PDE3B: variants seen among roughly 807,000 people sequenced by gnomAD.
PDE3B encodes the protein phosphodiesterase 3B, also known as cGMP-inhibited 3',5'-cyclic phosphodiesterase 3B.
A neutral mutation model predicts 116.8 loss-of-function variants in PDE3B; 66 were observed. The observed-to-expected ratio is 0.56, with a 90% CI of 0.46 to 0.69. PDE3B has a LOEUF of 0.69. PDE3B is among the 30% of genes least tolerant of loss of function. The pLI is 0.00. For synonymous variants in PDE3B, 595 were observed against 533.6 expected (o/e 1.12, Z -1.59); for missense variants, 1,384 against 1,368.1 (o/e 1.01, Z -0.18).
intron 2 of PDE3B, among the ~76,000 whole-genome samples, chr11:14,779,821 T>C (rs905838138): frequency 6.6e-6 from 1 of 152,048 alleles, no homozygotes; most frequent in Non-Finnish European, 1.5e-5. Flanking sequence ...CATAACAATA[T>C]TAACCTTAAA....
chr11:14,886,503 A>G, the PDE3B span: 1 of 154,334 alleles, frequency 6.5e-6, no homozygotes, highest in Non-Finnish European at 1.4e-5. Context: ...CCTTGGAGGA[A>G]AGGCATTTAC....
chr11:14,673,124 C>G (rs2133783647), intron 1 of PDE3B, among the ~76,000 whole-genome samples: 1 of 151,648 alleles, frequency 6.6e-6, no homozygotes, highest in Middle Eastern at 3.4e-3. Context: ...TAAGTAACAA[C>G]ATGGATGACT....
At chr11:14,841,189 A>G (rs1054594253) in intron 11 of PDE3B, among the ~76,000 whole-genome samples, 12 of 151,866 alleles carry the variant, frequency 7.9e-5, no homozygotes, top group African/African-American at 2.9e-4. Flanking sequence ...CAGGAATTCC[A>G]CCAGTAGACA....
intron 1 of PDE3B, among the ~76,000 whole-genome samples, chr11:14,677,616 T>A (rs567789438): frequency 2.6e-5 from 4 of 152,316 alleles, no homozygotes; most frequent in African/African-American, 9.6e-5. Context: ...AGATTTTGTA[T>A]ATCCACTACA....
intron 1 of PDE3B, among the ~76,000 whole-genome samples, chr11:14,722,893 G>C (rs558442448): frequency 6.6e-6 from 1 of 152,130 alleles, no homozygotes; most frequent in African/African-American, 2.4e-5. Context: ...GAATGGAGGT[G>C]CTTGGTGTTA....
intron 1 of PDE3B, among the ~76,000 whole-genome samples, chr11:14,721,520 G>C (rs377473145): frequency 2.0e-5 from 3 of 151,564 alleles, no homozygotes; most frequent in Non-Finnish European, 4.4e-5. Context: ...ACTTGGAACC[G>C]ACCCAAATGT....
rs573787663 is a variant in PDE3B, at chr11:14,754,543, G to T, written c.979-17394G>T. On this transcript the variant is annotated intron_variant, in intron 1 of 15. Coordinates refer to ENST00000282096, the MANE Select transcript of PDE3B (RefSeq NM_000922.4). ...AAAAATAAATAGTGTTTTGGAATGT[G>T]AGCATGCATTCCTCAATTTATCTAT... 1.6e-4 allele frequency among the ~76,000 whole-genome samples: 25 copies of T among 152,224 alleles called. No homozygotes were observed. In the South Asian group the frequency reaches 5.0e-3, roughly 30 times the overall value.
intron 1 of PDE3B, among the ~76,000 whole-genome samples, chr11:14,755,029 A>G (rs1857148779): frequency 1.3e-5 from 2 of 152,216 alleles, no homozygotes; most frequent in Non-Finnish European, 2.9e-5. Context: ...ACGATTACTG[A>G]ACACTGAGTG....
At chr11:14,669,640 T>C (rs1417558246) in intron 1 of PDE3B, among the ~76,000 whole-genome samples, 2 of 129,530 alleles carry the variant, frequency 1.5e-5, no homozygotes, top group Non-Finnish European at 3.2e-5. Flanking sequence ...GGCCCCATTG[T>C]GTGATGTTCC....
At chr11:14,651,546 A>G (rs1196613049) in intron 1 of PDE3B, among the ~76,000 whole-genome samples, 1 of 152,244 alleles carries the variant, frequency 6.6e-6, no homozygotes, top group Non-Finnish European at 1.5e-5. Context: ...TCAGTGAGTA[A>G]GAATGCCCCT....
At chr11:14,713,695 TAC>T (rs68083046) in intron 1 of PDE3B, among the ~76,000 whole-genome samples, 14,255 of 149,640 alleles carry the variant, frequency 0.095, 1,260 homozygotes, top group African/African-American at 0.22. Context: ...AAAAAATCTT[TAC>T]ACACACACAC....
Position 14,739,218 on chromosome 11 carries a change from A to T in PDE3B, c.979-32719A>T, listed in dbSNP as rs563451140. 9.9e-5 allele frequency among the ~76,000 whole-genome samples: 15 copies of T among 152,268 alleles called. No homozygotes were observed. In the East Asian group the frequency reaches 2.7e-3, roughly 27 times the overall value. ...CAGTATGGCCCTTTTCACAATATTG[A>T]TTCTTCCTAACCATGAGCGTGGAAT... On this transcript the variant is annotated intron_variant, in intron 1 of 15. Coordinates refer to ENST00000282096, the MANE Select transcript of PDE3B (RefSeq NM_000922.4).
intron 1 of PDE3B, among the ~76,000 whole-genome samples, chr11:14,693,868 T>C (rs1237255716): frequency 6.6e-6 from 1 of 152,054 alleles, no homozygotes; most frequent in Non-Finnish European, 1.5e-5. Context: ...CTGCCATAGA[T>C]TGATGGATGT....
chr11:14,671,172 A>G (rs79174006), intron 1 of PDE3B, among the ~76,000 whole-genome samples: 3,170 of 152,304 alleles, frequency 0.021, 113 homozygotes, highest in African/African-American at 0.073. Context: ...AATTTCAGGT[A>G]GTTTTAAGTA....
At chr11:14,837,505 C>T (rs1285215073) in intron 11 of PDE3B, among the ~76,000 whole-genome samples, 1 of 152,224 alleles carries the variant, frequency 6.6e-6, no homozygotes, top group Admixed American at 6.5e-5. Flanking sequence ...GCCAAATTTT[C>T]TGTTACTGTG....
chr11:14,644,367 C>G lies in PDE3B; in HGVS notation c.292C>G (p.Pro98Ala). 1 of 1,596,872 alleles carries G rather than the reference C, an allele frequency of 6.3e-7. No individual in the cohort carries two copies. The highest frequency in any genetic ancestry group is 8.5e-7 in the Non-Finnish European group (1 of 1,173,528). The stretch of plus-strand genomic sequence containing the variant: ...CCTCGCCCTGCTGCTGGGCGCGGAA[C>G]CCGAGAGCTGGGCTGCCGGGGCCGC... ...FVLALLLGAE[P>A]ESWAAGAAWL... is the part of the protein sequence containing the mutation. Residue 98 changes from proline to alanine, a missense_variant, in exon 1 of 16, where the codon CCC becomes GCC. Pro to Ala is a conservative substitution (Grantham distance 27). Coordinates refer to ENST00000282096, the MANE Select transcript of PDE3B (RefSeq NM_000922.4).
intron 1 of PDE3B, among the ~76,000 whole-genome samples, chr11:14,747,638 A>C (rs1245650378): frequency 6.6e-6 from 1 of 152,196 alleles, no homozygotes; most frequent in Non-Finnish European, 1.5e-5. Flanking sequence ...TATCGTGTGC[A>C]TAATCCCTAA....
In PDE3B at chr11:14,684,578, G is replaced by T. The variant is rs530320741; in HGVS notation, c.978+39525G>T. 4.6e-5 allele frequency among the ~76,000 whole-genome samples: 7 copies of T among 152,234 alleles called. No individual in the cohort carries two copies. In the South Asian group the frequency reaches 1.5e-3, roughly 32 times the overall value. On this transcript the variant is annotated intron_variant, in intron 1 of 15. Transcript: ENST00000282096. The stretch of plus-strand genomic sequence containing the variant: ...AAACAGGGTTGAAGAGCAGAGAACT[G>T]GTCTGACCTCAAATTCACCAGGGTG...
intron 5 of PDE3B, among the ~76,000 whole-genome samples, chr11:14,806,743 C>G (rs1170653812): frequency 6.7e-6 from 1 of 149,524 alleles, no homozygotes; most frequent in Non-Finnish European, 1.5e-5. Context: ...CCTGTAGTCC[C>G]AGCTATTTGG....
Sources: allele counts gnomAD v4.1 joint callset (sites outside exome capture counted in the v4.1 genomes callset), GRCh38; gene constraint gnomAD v4.1.1; transcripts MANE v1.5; gene names NCBI Gene and HGNC (gene_info 2026-07-23, HGNC 2026-07-21).